ARIH1: variants seen among roughly 807,000 people sequenced by gnomAD.
The protein encoded by ARIH1 is ariadne RBR E3 ubiquitin protein ligase 1.
In ARIH1, 8 loss-of-function variants were observed where a neutral mutation model predicts 85.0. That is an observed-to-expected ratio of 0.09 (90% CI 0.06 to 0.17). ARIH1 has a LOEUF of 0.17. Ranked by LOEUF, ARIH1 falls within the 10% of genes least tolerant of loss-of-function variation. The probability of loss-of-function intolerance (pLI) is 1.00; values close to 1 mark genes in which losing one functional copy is unlikely to be tolerated. For synonymous variants in ARIH1, 238 were observed against 253.6 expected (o/e 0.94, Z 0.59); for missense variants, 311 against 718.1 (o/e 0.43, Z 6.48).
In ARIH1 at chr15:72,593,301, ATATGC is replaced by A. The variant is rs2064350095; in HGVS notation, c.*10014_*10018del. ...ATTTTGAATATAAATCCTTTGATAG[ATATGC>A]TATGATTTTTTAAAGACTCTATGTA... On this transcript the variant is annotated 3_prime_UTR_variant, in exon 14 of 14. Transcript: ENST00000379887. 1 of 151,948 alleles carries A rather than the reference ATATGC, an allele frequency of 6.6e-6. No homozygotes were observed. The highest frequency in any genetic ancestry group is 1.5e-5 in the Non-Finnish European group (1 of 67,994). 9.4% of individuals were successfully genotyped at this position (151,948 alleles called of 1,614,324 possible). A position where few individuals can be genotyped will look rare whatever the true frequency, so the allele number is the denominator to read the frequency against.
chr15:72,527,607 C>G (rs1312521190), intron 2 of ARIH1, among the ~76,000 whole-genome samples: 1 of 152,090 alleles, frequency 6.6e-6, no homozygotes, highest in Non-Finnish European at 1.5e-5. Flanking sequence ...GCTGCCTCAG[C>G]TTTGCAATTG....
At chr15:72,577,003 G>A (rs1379216309) in intron 11 of ARIH1, among the ~76,000 whole-genome samples, 1 of 149,392 alleles carries the variant, frequency 6.7e-6, no homozygotes, top group East Asian at 2.0e-4. Context: ...CTTTTTTTGA[G>A]ACGGAGTTTG....
intron 3 of ARIH1, 42 bp downstream of exon 3, chr15:72,545,006 T>C: frequency 1.3e-6 from 2 of 1,483,500 alleles, no homozygotes; most frequent in Non-Finnish European, 1.8e-6. Flanking sequence ...ACTTTGTATT[T>C]CAGAGGGTAA....
Position 72,567,174 on chromosome 15 carries a change from A to G in ARIH1, c.1023A>G (p.Thr341=). The change falls in exon 9 of 14, where the codon ACA becomes ACG. Residue 341 remains threonine, a synonymous_variant. Transcript: ENST00000379887. ...SETSNWIAAN[T]KECPKCHVTI... ...CCTCCAATTGGATTGCAGCCAACAC[A>G]AAGGTTGGTGTTTTCCTTCAGTAAC... The G allele has an allele frequency of 6.2e-7, 1 of 1,609,632 alleles. No homozygotes were observed. The highest frequency in any genetic ancestry group is 8.5e-7 in the Non-Finnish European group (1 of 1,177,590).
At chr15:72,498,548 A>G (rs1368199604) in intron 1 of ARIH1, among the ~76,000 whole-genome samples, 1 of 152,242 alleles carries the variant, frequency 6.6e-6, no homozygotes, top group African/African-American at 2.4e-5. Context: ...CTTGCTGATA[A>G]CTATTAAGAA....
At chr15:72,555,569 A>T (rs1316178406) in intron 4 of ARIH1, among the ~76,000 whole-genome samples, 1 of 152,260 alleles carries the variant, frequency 6.6e-6, no homozygotes, top group African/African-American at 2.4e-5. Context: ...AGCCGGCATC[A>T]ATATTGGTAT....
Position 72,523,472 on chromosome 15 carries a change from GC to G in ARIH1, c.443+5339del, listed in dbSNP as rs375837069. ...GAAGACAATGAAAAGATCAGTGGTT[GC>G]TAGGGGTTAGTGAAGAGGGAGGGAT... is the stretch of plus-strand genomic sequence containing the variant. On this transcript the variant is annotated intron_variant, in intron 2 of 13. Coordinates refer to ENST00000379887, the MANE Select transcript of ARIH1 (RefSeq NM_005744.5). Among the ~76,000 whole-genome samples the G allele has an allele frequency of 1.4e-3, 218 of 151,598 alleles. 1 individual carries two copies. The highest frequency in any genetic ancestry group is 0.014 in the Middle Eastern group (4 of 286).
chr15:72,532,838 T>C (rs951191071), intron 2 of ARIH1, among the ~76,000 whole-genome samples: 2 of 152,242 alleles, frequency 1.3e-5, no homozygotes, highest in South Asian at 4.1e-4. Context: ...AACAAATTGA[T>C]GAGAAAAACA....
intron 2 of ARIH1, among the ~76,000 whole-genome samples, chr15:72,521,390 A>C (rs1416461669): frequency 6.6e-6 from 1 of 152,146 alleles, no homozygotes; most frequent in Admixed American, 6.5e-5. Flanking sequence ...TTTTGAAAAC[A>C]TAAACTGTTG....
chr15:72,551,811 G>C (rs1262687073), intron 3 of ARIH1, among the ~76,000 whole-genome samples: 4 of 152,118 alleles, frequency 2.6e-5, no homozygotes, highest in Non-Finnish European at 5.9e-5. Context: ...CACAGGCAAA[G>C]TTGGCAAAAT....
At chr15:72,566,647 T>A in intron 8 of ARIH1, 42 bp downstream of exon 8, 2 of 1,530,878 alleles carry the variant, frequency 1.3e-6, no homozygotes, top group Non-Finnish European at 1.8e-6. Context: ...AATGGCACAC[T>A]TCTAAGACTT....
intron 1 of ARIH1, among the ~76,000 whole-genome samples, chr15:72,481,437 C>T (rs1012833784): frequency 2.0e-5 from 3 of 152,164 alleles, no homozygotes; most frequent in Admixed American, 1.3e-4. Flanking sequence ...GGACCAGTCA[C>T]GGTGGCTCAC....
At chr15:72,580,215 A>G (rs1403481216) in intron 11 of ARIH1, among the ~76,000 whole-genome samples, 2 of 152,070 alleles carry the variant, frequency 1.3e-5, no homozygotes, top group Non-Finnish European at 2.9e-5. Flanking sequence ...GGCTTATTTC[A>G]CTTAGTGTAA....
chr15:72,542,256 C>A (rs542107981), intron 2 of ARIH1, among the ~76,000 whole-genome samples: 1 of 152,078 alleles, frequency 6.6e-6, no homozygotes, highest in East Asian at 1.9e-4. Flanking sequence ...TGGAGTAGCA[C>A]GATAAATGTG....
rs990680442 is a variant in ARIH1 at position 72,528,339 on chromosome 15, C to T, written c.443+10205C>T. Among the ~76,000 whole-genome samples, 5 of 152,266 alleles carry T rather than the reference C, an allele frequency of 3.3e-5. No homozygotes were observed. The East Asian group carries it at 7.7e-4, about 23-fold the overall frequency. On this transcript the variant is annotated intron_variant, in intron 2 of 13. Transcript: ENST00000379887. ...GGACTCTGTTACAAATAGCTTTTCA[C>T]TTTTCATTCTGAAGCATTAATACCC...
chr15:72,538,808 A>G (rs769640776), intron 2 of ARIH1, among the ~76,000 whole-genome samples: 3 of 152,252 alleles, frequency 2.0e-5, no homozygotes, highest in Non-Finnish European at 4.4e-5. Context: ...TGCAGAAATA[A>G]TCCTGGAGAG....
At position 72,585,025 on chromosome 15, in the gene ARIH1, A is replaced by G. The variant is rs1196865411; in HGVS notation, c.*1733A>G. ...GTGAGGCAGCTTTGTCTGCTCTTAC[A>G]CTGTACATCCTATTACTCCATTGGG... On this transcript the variant is annotated 3_prime_UTR_variant, in exon 14 of 14. Transcript: ENST00000379887. 1.3e-5 allele frequency: 2 copies of G among 151,916 alleles called. No individual in the cohort carries two copies. Among genetic ancestry groups the G allele is most frequent in the East Asian group, 3.9e-4 (2 of 5,194 alleles). The allele number at this position is 151,916 out of a possible 1,614,324, so 9.4% of individuals were successfully genotyped here.
rs1050120029 is a variant in ARIH1, at chr15:72,597,656, G to C, written c.*14364G>C. 2.0e-5 allele frequency: 3 copies of C among 152,076 alleles called. No homozygotes were observed. Among genetic ancestry groups the C allele is most frequent in the Non-Finnish European group, 4.4e-5 (3 of 68,028 alleles). The allele number at this position is 152,076 out of a possible 1,614,324, so 9.4% of individuals were successfully genotyped here. A position where few individuals can be genotyped will look rare whatever the true frequency, so the allele number is the denominator to read the frequency against. On this transcript the variant is annotated 3_prime_UTR_variant, in exon 14 of 14. Coordinates refer to ENST00000379887, the MANE Select transcript of ARIH1 (RefSeq NM_005744.5). ...CCTTGGGAGAAGTCAAGCTCTCTCA[G>C]CGTTCCTTCTATTATCCACACCTTT...
At chr15:72,551,851 A>T (rs528528858) in intron 3 of ARIH1, among the ~76,000 whole-genome samples, 24 of 152,324 alleles carry the variant, frequency 1.6e-4, no homozygotes, top group African/African-American at 5.3e-4. Flanking sequence ...AAAAAGAAAT[A>T]TACAGTGTAA....
Sources: allele counts gnomAD v4.1 joint callset (sites outside exome capture counted in the v4.1 genomes callset), GRCh38; gene constraint gnomAD v4.1.1; transcripts MANE v1.5; gene names NCBI Gene and HGNC (gene_info 2026-07-23, HGNC 2026-07-21).